The following PDE12 variants were observed in gnomAD, a reference collection of about 807,000 sequenced individuals.
PDE12 encodes the protein phosphodiesterase 12.
PDE12 carries 26 observed loss-of-function variants against 45.4 expected under a neutral mutation model. That is an observed-to-expected ratio of 0.57 (90% CI 0.42 to 0.79). PDE12 has a LOEUF of 0.79. PDE12 is among the 30% of genes least tolerant of loss of function. The probability of loss-of-function intolerance (pLI) is 0.00; values close to 1 mark genes in which losing one functional copy is unlikely to be tolerated. For synonymous variants in PDE12, 283 were observed against 323.9 expected (o/e 0.87, Z 1.36); for missense variants, 668 against 790.0 (o/e 0.85, Z 1.85).
chr3:57,649,439 C>T, the PDE12 span, among the ~76,000 whole-genome samples: 17 of 151,450 alleles, frequency 1.1e-4, no homozygotes, highest in East Asian at 1.9e-4. Context: ...TATGGAAAAC[C>T]GTACAGAGAT....
the PDE12 span, among the ~76,000 whole-genome samples, chr3:57,574,403 T>C: frequency 4.4e-4 from 55 of 124,292 alleles, no homozygotes; most frequent in African/African-American, 1.4e-3. Context: ...TTTAGAGAAG[T>C]ACAAATTTTT....
chr3:57,574,363 TCAC>T, the PDE12 span, among the ~76,000 whole-genome samples: 12 of 151,942 alleles, frequency 7.9e-5, no homozygotes, highest in Non-Finnish European at 1.5e-4. Context: ...TTTATCTCCA[TCAC>T]TGAATCACTG....
chr3:57,630,434 G>A, the PDE12 span: 4 of 1,586,566 alleles, frequency 2.5e-6, no homozygotes, highest in African/African-American at 5.5e-5. Context: ...TTCACAAAGA[G>A]CTTCTAGATG....
At chr3:57,608,518 G>C in the PDE12 span, among the ~76,000 whole-genome samples, 8 of 151,798 alleles carry the variant, frequency 5.3e-5, no homozygotes, top group Non-Finnish European at 8.8e-5. Flanking sequence ...ACACACATAG[G>C]CTCAAAATAA....
the PDE12 span, among the ~76,000 whole-genome samples, chr3:57,632,023 T>TC: frequency 8.6e-6 from 1 of 116,298 alleles, no homozygotes; most frequent in Non-Finnish European, 1.8e-5. Flanking sequence ...CGCCCGGCCT[T>TC]TTTTTTTTTT....
At chr3:57,569,472 C>T (rs2153408027), downstream of PDE12, among the ~76,000 whole-genome samples, 1 of 152,210 alleles carries the variant, frequency 6.6e-6, no homozygotes, top group Admixed American at 6.5e-5. Flanking sequence ...CCCACTTCAG[C>T]CTCTCGAGTA....
At chr3:57,570,425 T>C (rs199523873), downstream of PDE12, among the ~76,000 whole-genome samples, 1 of 38,804 alleles carries the variant, frequency 2.6e-5, no homozygotes, top group Non-Finnish European at 4.6e-5. Context: ...TTCACCATGT[T>C]GCGGCTGGTC....
the PDE12 span, among the ~76,000 whole-genome samples, chr3:57,623,711 A>AT: frequency 6.6e-6 from 1 of 152,216 alleles, no homozygotes; most frequent in Non-Finnish European, 1.5e-5. Context: ...AATAAGAAGT[A>AT]TAACTCTGGA....
At chr3:57,588,828 C>T in the PDE12 span, among the ~76,000 whole-genome samples, 1 of 150,874 alleles carries the variant, frequency 6.6e-6, no homozygotes, top group Non-Finnish European at 1.5e-5. Flanking sequence ...GTGAGTGAGG[C>T]ACAGTGGCTC....
downstream of PDE12, among the ~76,000 whole-genome samples, chr3:57,568,204 C>T (rs895412665): frequency 6.6e-6 from 1 of 151,888 alleles, no homozygotes; most frequent in Non-Finnish European, 1.5e-5. Context: ...TGGCTCATAC[C>T]TGTAATCCCA....
chr3:57,655,853 G>A, the PDE12 span, among the ~76,000 whole-genome samples: 6 of 152,052 alleles, frequency 3.9e-5, no homozygotes, highest in African/African-American at 7.2e-5. Flanking sequence ...ACAATAAAGC[G>A]TAAGACTCAT....
At chr3:57,567,527 A>G (rs1452421510), downstream of PDE12, among the ~76,000 whole-genome samples, 1 of 152,182 alleles carries the variant, frequency 6.6e-6, no homozygotes, top group Admixed American at 6.5e-5. Flanking sequence ...CATTTAAGAT[A>G]AAGGGATAGT....
chr3:57,636,436 G>A, the PDE12 span, among the ~76,000 whole-genome samples: 4 of 152,028 alleles, frequency 2.6e-5, no homozygotes, highest in Non-Finnish European at 5.9e-5. Context: ...GGCAATACAG[G>A]AACAAAACAG....
At position 57,559,545 on chromosome 3, in the gene PDE12, G is replaced by A. The variant is rs1189701382; in HGVS notation, c.1388-17G>A. On this transcript the variant is annotated splice_polypyrimidine_tract_variant and intron_variant, in intron 2 of 2. Coordinates refer to ENST00000311180, the MANE Select transcript of PDE12 (RefSeq NM_177966.7). ...AACTTTAAAAAATACTTACATTAATGTTTTTTATATTCATAGGTGGGTATA... is the reference window on the plus strand; with the variant it reads ...AACTTTAAAAAATACTTACATTAATATTTTTTATATTCATAGGTGGGTATA... 5 of 1,579,098 alleles carry A rather than the reference G, an allele frequency of 3.2e-6. No homozygotes were observed. The highest frequency in any genetic ancestry group is 3.4e-6 in the Non-Finnish European group (4 of 1,165,028).
chr3:57,603,030 G>A, the PDE12 span, among the ~76,000 whole-genome samples: 1 of 151,766 alleles, frequency 6.6e-6, no homozygotes, highest in African/African-American at 2.4e-5. Context: ...AGCCAGGCAT[G>A]GTGGCGGGCG....
the PDE12 span, among the ~76,000 whole-genome samples, chr3:57,655,987 T>A: frequency 6.6e-6 from 1 of 152,378 alleles, no homozygotes; most frequent in Admixed American, 6.5e-5. Context: ...CTTCTTAGTA[T>A]ATTTTGCCTG....
At chr3:57,608,400 A>T in the PDE12 span, among the ~76,000 whole-genome samples, 2 of 152,150 alleles carry the variant, frequency 1.3e-5, no homozygotes, top group African/African-American at 2.4e-5. Context: ...TTAACCTTAA[A>T]TGTAAATGGG....
chr3:57,642,663 C>T, the PDE12 span, among the ~76,000 whole-genome samples: 125,717 of 151,962 alleles, frequency 0.83, 52,299 homozygotes, highest in East Asian at 1. Flanking sequence ...GGGAAACTAC[C>T]AGATAACCAA....
downstream of PDE12, among the ~76,000 whole-genome samples, chr3:57,569,743 G>A (rs2069817872): frequency 6.9e-6 from 1 of 144,790 alleles, no homozygotes; most frequent in Non-Finnish European, 1.5e-5. Flanking sequence ...GAGATGGGAG[G>A]ATCACTTGAG....
Sources: gnomAD v4.1 joint callset for allele counts (sites outside exome capture counted in the v4.1 genomes callset) on GRCh38, gnomAD v4.1.1 for gene constraint, MANE v1.5 for transcripts, NCBI Gene and HGNC (gene_info 2026-07-23, HGNC 2026-07-21) for gene names.